The following GNA14 variants were observed in gnomAD, a reference collection of about 807,000 sequenced individuals.
The protein encoded by GNA14 is guanine nucleotide-binding protein subunit alpha-14.
GNA14 carries 50 observed loss-of-function variants against 42.0 expected under a neutral mutation model. That is an observed-to-expected ratio of 1.19 (90% CI 0.95 to 1.51). GNA14 has a LOEUF of 1.51. GNA14 is among the 40% of genes most tolerant of loss of function. The pLI is 0.00. For missense variants in GNA14, 473 were observed against 446.2 expected (o/e 1.06, Z -0.54); for synonymous variants, 173 against 163.1 (o/e 1.06, Z -0.46).
chr9:77,454,797 C>T (rs1835971269), intron 2 of GNA14, among the ~76,000 whole-genome samples: 1 of 152,144 alleles, frequency 6.6e-6, no homozygotes, highest in East Asian at 1.9e-4. Context: ...CTAATGCGAA[C>T]AGTCAGGGTC....
chr9:77,536,860 T>C (rs1187359940), intron 1 of GNA14, among the ~76,000 whole-genome samples: 1 of 152,242 alleles, frequency 6.6e-6, no homozygotes, highest in Non-Finnish European at 1.5e-5. Context: ...CAGAGAATTT[T>C]TGAATAATTA....
intron 2 of GNA14, chr9:77,456,164 A>T (rs1373263225): frequency 7.0e-6 from 1 of 142,122 alleles, no homozygotes. Context: ...ATAGATAAGG[A>T]AACAGATGAG....
chr9:77,438,781 T>C (rs1186463808), intron 2 of GNA14, among the ~76,000 whole-genome samples: 1 of 152,192 alleles, frequency 6.6e-6, no homozygotes, highest in Non-Finnish European at 1.5e-5. Flanking sequence ...CACAGTTACA[T>C]TTTTCTTGAA....
At chr9:77,575,239 C>T (rs1351652436) in intron 1 of GNA14, among the ~76,000 whole-genome samples, 2 of 152,104 alleles carry the variant, frequency 1.3e-5, no homozygotes, top group Non-Finnish European at 2.9e-5. Context: ...CATTATTAGC[C>T]GAGCATGGTG....
At chr9:77,494,890 C>T (rs1272548784) in intron 2 of GNA14, among the ~76,000 whole-genome samples, 1 of 152,110 alleles carries the variant, frequency 6.6e-6, no homozygotes, top group Non-Finnish European at 1.5e-5. Context: ...ACCTCTGTCT[C>T]CAGGGTTCAA....
intron 2 of GNA14, among the ~76,000 whole-genome samples, chr9:77,527,877 C>T (rs1355224944): frequency 6.6e-6 from 1 of 152,130 alleles, no homozygotes; most frequent in Non-Finnish European, 1.5e-5. Context: ...TCAGGTGATC[C>T]CCCTGCCTTG....
intron 2 of GNA14, among the ~76,000 whole-genome samples, chr9:77,470,909 T>G (rs1836319166): frequency 6.6e-6 from 1 of 152,170 alleles, no homozygotes; most frequent in Non-Finnish European, 1.5e-5. Flanking sequence ...ATTCACTCAC[T>G]TTCACAAGAA....
chr9:77,477,656 CA>C (rs1836454884), intron 2 of GNA14, among the ~76,000 whole-genome samples: 1 of 152,028 alleles, frequency 6.6e-6, no homozygotes, highest in Non-Finnish European at 1.5e-5. Flanking sequence ...AGACATTCTC[CA>C]AAATAAAACA....
At chr9:77,520,791 TG>T (rs1163333054) in intron 2 of GNA14, among the ~76,000 whole-genome samples, 1 of 152,198 alleles carries the variant, frequency 6.6e-6, no homozygotes, top group Non-Finnish European at 1.5e-5. Context: ...CTGGATTGTT[TG>T]TAACTTTACA....
At chr9:77,444,125 A>C (rs1004305680) in intron 2 of GNA14, among the ~76,000 whole-genome samples, 1 of 152,222 alleles carries the variant, frequency 6.6e-6, no homozygotes, top group Admixed American at 6.5e-5. Flanking sequence ...GTGCTGGCTT[A>C]GCTGAACCTA....
chr9:77,571,271 A>G (rs957385825), intron 1 of GNA14, among the ~76,000 whole-genome samples: 7 of 152,240 alleles, frequency 4.6e-5, no homozygotes, highest in African/African-American at 1.4e-4. Context: ...TAAGGCTGAG[A>G]TAAGTTCTCA....
At chr9:77,523,531 A>C (rs1837393015) in intron 2 of GNA14, among the ~76,000 whole-genome samples, 1 of 152,116 alleles carries the variant, frequency 6.6e-6, no homozygotes, top group Admixed American at 6.5e-5. Context: ...CACCTCCAAC[A>C]CTGGGGATTA....
chr9:77,485,774 G>A (rs1448050336), intron 2 of GNA14, among the ~76,000 whole-genome samples: 5 of 152,142 alleles, frequency 3.3e-5, no homozygotes, highest in Admixed American at 1.3e-4. Flanking sequence ...TTGTCAATGA[G>A]TAGTAATATT....
intron 1 of GNA14, among the ~76,000 whole-genome samples, chr9:77,607,304 T>G (rs1213970482): frequency 6.6e-6 from 1 of 152,162 alleles, no homozygotes; most frequent in Non-Finnish European, 1.5e-5. Flanking sequence ...AGAAGGCATA[T>G]GTAAGAAATC....
chr9:77,634,417 G>GA (rs11384727), intron 1 of GNA14, among the ~76,000 whole-genome samples: 27,624 of 84,836 alleles, frequency 0.33, 3,329 homozygotes, highest in Admixed American at 0.4. Context: ...GTCTCAAAAA[G>GA]AAAAAAAAAA....
rs927876327 is a variant in GNA14, at chr9:77,480,243, G to T, written c.310-45721C>A. Among the ~76,000 whole-genome samples, 10 of 152,288 alleles carry T rather than the reference G, an allele frequency of 6.6e-5. 1 individual carries two copies. The East Asian group carries it at 1.7e-3, about 26-fold the overall frequency. On this transcript the variant is annotated intron_variant, in intron 2 of 6. Coordinates refer to ENST00000341700, the MANE Select transcript of GNA14 (RefSeq NM_004297.4). ...ATGTCCGATCACAACCTAGTTTATT[G>T]AGAGTTTTTAGCATGAAGGGTTGTT...
At chr9:77,643,240 A>T (rs371846365) in intron 1 of GNA14, among the ~76,000 whole-genome samples, 4,774 of 137,310 alleles carry the variant, frequency 0.035, 164 homozygotes, top group African/African-American at 0.092. Flanking sequence ...AGGTGTTGTC[A>T]TTTTTTTTTT....
rs553405036 is a variant in GNA14, at chr9:77,449,924, C to T, written c.310-15402G>A. On this transcript the variant is annotated intron_variant, in intron 2 of 6. Transcript: ENST00000341700. ...ATTCCCTGTGTGTGCCTCACAGTGA[C>T]TCAGACCCCTACCGCCTCCCTGCTC... is the stretch of plus-strand genomic sequence containing the variant. 5.9e-5 allele frequency among the ~76,000 whole-genome samples: 9 copies of T among 152,308 alleles called. No individual in the cohort carries two copies. In the East Asian group the frequency reaches 9.6e-4, roughly 16 times the overall value.
intron 1 of GNA14, among the ~76,000 whole-genome samples, chr9:77,600,624 A>G (rs1219928838): frequency 6.6e-6 from 1 of 152,214 alleles, no homozygotes; most frequent in African/African-American, 2.4e-5. Flanking sequence ...GAGAGTGTGA[A>G]AAACAGATTA....
Sources: allele counts gnomAD v4.1 joint callset (sites outside exome capture counted in the v4.1 genomes callset), GRCh38; gene constraint gnomAD v4.1.1; transcripts MANE v1.5; gene names NCBI Gene and HGNC (gene_info 2026-07-23, HGNC 2026-07-21).